The following PLSCR4 variants were observed in gnomAD, a reference collection of about 807,000 sequenced individuals.
PLSCR4 encodes the protein phospholipid scramblase 4, also known as Ca(2+)-dependent phospholipid scramblase 4.
A neutral mutation model predicts 36.3 loss-of-function variants in PLSCR4; 25 were observed. That is an observed-to-expected ratio of 0.69 (90% CI 0.50 to 0.96). The LOEUF (loss-of-function observed/expected upper bound fraction) is 0.96, where lower values mean the gene tolerates loss of function less well. Ranked by LOEUF, PLSCR4 falls within the 40% of genes least tolerant of loss-of-function variation. The probability of loss-of-function intolerance (pLI) is 0.00; values close to 1 mark genes in which losing one functional copy is unlikely to be tolerated. For synonymous variants in PLSCR4, 122 were observed against 132.9 expected (o/e 0.92, Z 0.56); for missense variants, 408 against 414.7 (o/e 0.98, Z 0.14).
chr3:146,234,740 T>C (rs757822213), intron 1 of PLSCR4, among the ~76,000 whole-genome samples: 1 of 152,136 alleles, frequency 6.6e-6, no homozygotes, highest in Non-Finnish European at 1.5e-5. Flanking sequence ...TATAAAGTTG[T>C]TTATGAACTC....
intron 3 of PLSCR4, among the ~76,000 whole-genome samples, chr3:146,217,389 A>C (rs927497596): frequency 1.1e-4 from 17 of 152,250 alleles, no homozygotes; most frequent in Admixed American, 2.0e-4. Flanking sequence ...TCACTACTGC[A>C]GGACGAACTG....
chr3:146,195,219 A>G lies in PLSCR4; in HGVS notation c.850T>C (p.Ser284Pro), dbSNP rs748171162. The change falls in exon 8 of 9, where the codon TCA becomes CCA. Residue 284 changes from serine to proline, a missense_variant. By Grantham distance (74) the Ser-to-Pro change is moderately conservative. Transcript: ENST00000354952. ...SIIRKWNGLL[S>P]AMADADHFDI... is the part of the protein sequence containing the mutation. ...AAATGGTCAGCATCTGCCATTGCTG[A>G]TAACAAACCATTCCACTTCCGGATA... The G allele has an allele frequency of 2.5e-6, 4 of 1,613,640 alleles. No homozygotes were observed. The highest frequency in any genetic ancestry group is 3.4e-6 in the Non-Finnish European group (4 of 1,179,568).
At chr3:146,215,602 GC>G (rs2034854701) in intron 3 of PLSCR4, among the ~76,000 whole-genome samples, 1 of 152,028 alleles carries the variant, frequency 6.6e-6, no homozygotes, top group Non-Finnish European at 1.5e-5. Context: ...GAAAATTACT[GC>G]TTTTCCTTGT....
At chr3:146,213,105 A>G (rs1172331729) in intron 3 of PLSCR4, among the ~76,000 whole-genome samples, 1 of 152,004 alleles carries the variant, frequency 6.6e-6, no homozygotes, top group Non-Finnish European at 1.5e-5. Context: ...ATCCTTTTTT[A>G]TGTTCCTAAA....
At position 146,206,675 on chromosome 3, in the gene PLSCR4, A is replaced by G. The variant is rs1373030738; in HGVS notation, c.205T>C (p.Phe69Leu). ...CCACCAACTGGCTGGTACAAAGGGA[A>G]GGTACTGGGTTGCTGTGGACTGTAG... ...GYYSPQQPST[F>L]PLYQPVGGIH... The change falls in exon 4 of 9, where the codon TTC (phenylalanine) becomes CTC (leucine). Residue 69 changes from phenylalanine (F) to leucine (L), a missense_variant. Coordinates refer to ENST00000354952, the MANE Select transcript of PLSCR4 (RefSeq NM_020353.3). The G allele has an allele frequency of 5.0e-6, 8 of 1,613,348 alleles. No homozygotes were observed. The highest frequency in any genetic ancestry group is 5.9e-6 in the Non-Finnish European group (7 of 1,179,628).
At chr3:146,217,351 C>T (rs3804657) in intron 3 of PLSCR4, among the ~76,000 whole-genome samples, 2 of 152,254 alleles carry the variant, frequency 1.3e-5, no homozygotes, top group East Asian at 3.9e-4. Context: ...GGCAAACGGA[C>T]AAGAACAGGC....
rs765408339 is a variant in PLSCR4 at position 146,243,874 on chromosome 3, A to T, written c.-22+7086T>A. 6.3e-4 allele frequency among the ~76,000 whole-genome samples: 96 copies of T among 152,196 alleles called. 1 individual carries two copies. Among genetic ancestry groups the T allele is most frequent in the Non-Finnish European group, 1.2e-4 (8 of 68,018 alleles). ...GATATTTCTTCTCACTTAAAATAAT[A>T]AAATTCAGTGAATGATAACCTTGTA... On this transcript the variant is annotated intron_variant, in intron 1 of 8. Coordinates refer to ENST00000354952, the MANE Select transcript of PLSCR4 (RefSeq NM_020353.3).
At chr3:146,240,586 G>A (rs1401430917) in intron 1 of PLSCR4, among the ~76,000 whole-genome samples, 1 of 152,192 alleles carries the variant, frequency 6.6e-6, no homozygotes, top group African/African-American at 2.4e-5. Context: ...CTGGGTGACA[G>A]AGCAAGATCC....
chr3:146,194,303 C>A lies in PLSCR4; in HGVS notation c.*108G>T. On this transcript the variant is annotated 3_prime_UTR_variant, in exon 9 of 9. Transcript: ENST00000354952. ...AAAGTTAACACCCAATAAAAATACTCTACAAAGCAAAGAAATACACTTGCA... is the reference window on the plus strand; with the variant it reads ...AAAGTTAACACCCAATAAAAATACTATACAAAGCAAAGAAATACACTTGCA... The A allele has an allele frequency of 1.3e-6, 1 of 785,924 alleles. No individual in the cohort carries two copies. The highest frequency in any genetic ancestry group is 1.5e-5 in the South Asian group (1 of 65,010). The allele number at this position is 785,924 out of a possible 1,614,324, so 48.7% of individuals were successfully genotyped here. A position where few individuals can be genotyped will look rare whatever the true frequency, so the allele number is the denominator to read the frequency against.
intron 1 of PLSCR4, among the ~76,000 whole-genome samples, chr3:146,235,920 G>A (rs780161660): frequency 4.6e-5 from 7 of 152,036 alleles, no homozygotes; most frequent in Non-Finnish European, 8.8e-5. Context: ...TGATGATTTC[G>A]GGTAACTAGC....
intron 1 of PLSCR4, among the ~76,000 whole-genome samples, chr3:146,243,835 A>T (rs1196929073): frequency 6.6e-6 from 1 of 152,174 alleles, no homozygotes; most frequent in Non-Finnish European, 1.5e-5. Flanking sequence ...CTTGCTGGTC[A>T]CTTGGCTACT....
chr3:146,219,394 A>C (rs1418146382), intron 3 of PLSCR4, among the ~76,000 whole-genome samples: 2 of 152,222 alleles, frequency 1.3e-5, no homozygotes, highest in Admixed American at 6.5e-5. Flanking sequence ...AAGTCACTGA[A>C]GTGACATATA....
At chr3:146,233,823 A>G (rs868084499) in intron 1 of PLSCR4, among the ~76,000 whole-genome samples, 1 of 152,122 alleles carries the variant, frequency 6.6e-6, no homozygotes, top group African/African-American at 2.4e-5. Flanking sequence ...ATTACCTTCT[A>G]TATAGTTGCT....
At chr3:146,233,975 T>TTATAG (rs2035817140) in intron 1 of PLSCR4, among the ~76,000 whole-genome samples, 1 of 152,148 alleles carries the variant, frequency 6.6e-6, no homozygotes, top group Non-Finnish European at 1.5e-5. Context: ...TGAAATATAG[T>TTATAG]TCGAAGAGAA....
intron 7 of PLSCR4, 59 bp downstream of exon 7, chr3:146,196,573 C>T: frequency 6.6e-7 from 1 of 1,518,074 alleles, no homozygotes; most frequent in South Asian, 1.1e-5. Flanking sequence ...CAGATCTTTC[C>T]ATGGTCTGTT....
chr3:146,195,321 G>T (rs752362477), intron 7 of PLSCR4, 39 bp from the exon 8 acceptor site: 1 of 1,503,282 alleles, frequency 6.7e-7, no homozygotes, highest in Non-Finnish European at 9.2e-7. Context: ...TGATTGAAAC[G>T]CATTGAAGCA....
intron 3 of PLSCR4, among the ~76,000 whole-genome samples, chr3:146,208,966 T>C (rs554257764): frequency 6.6e-6 from 1 of 152,258 alleles, no homozygotes; most frequent in South Asian, 2.1e-4. Flanking sequence ...TGCATGTTTA[T>C]AGCAGCGCAA....
intron 1 of PLSCR4, among the ~76,000 whole-genome samples, chr3:146,235,754 G>A (rs1162502085): frequency 6.6e-6 from 1 of 152,146 alleles, no homozygotes; most frequent in Admixed American, 6.6e-5. Context: ...ATTGTTGATA[G>A]TGATATGGAC....
At chr3:146,228,874 A>G (rs538161159) in intron 1 of PLSCR4, among the ~76,000 whole-genome samples, 21 of 152,252 alleles carry the variant, frequency 1.4e-4, no homozygotes, top group African/African-American at 3.8e-4. Flanking sequence ...GAAATTAAAT[A>G]AAAATATAAA....
Sources: gnomAD v4.1 joint callset for allele counts (sites outside exome capture counted in the v4.1 genomes callset) on GRCh38, gnomAD v4.1.1 for gene constraint, MANE v1.5 for transcripts, NCBI Gene and HGNC (gene_info 2026-07-23, HGNC 2026-07-21) for gene names.